Variants in CAST observed in about 807,000 individuals in gnomAD.
CAST encodes MIR583 host.
CAST carries 76 observed loss-of-function variants against 119.6 expected under a neutral mutation model. That is an observed-to-expected ratio of 0.64 (90% CI 0.53 to 0.77). The LOEUF is 0.77. CAST is among the 30% of genes least tolerant of loss of function. The pLI, the probability that CAST is intolerant of heterozygous loss-of-function variation, is 0.00. For synonymous variants in CAST, 319 were observed against 331.6 expected (o/e 0.96, Z 0.41); for missense variants, 953 against 946.5 (o/e 1.01, Z -0.09).
chr5:96,594,441 A>C (rs1380064164), intron 1 of CAST, among the ~76,000 whole-genome samples: 1 of 152,230 alleles, frequency 6.6e-6, no homozygotes, highest in Non-Finnish European at 1.5e-5. Context: ...ACAAAATACT[A>C]AGATTATGTA....
At chr5:96,582,317 G>A (rs1218539681) in intron 1 of CAST, among the ~76,000 whole-genome samples, 1 of 152,220 alleles carries the variant, frequency 6.6e-6, no homozygotes, top group Non-Finnish European at 1.5e-5. Context: ...GCCACAGACT[G>A]AAGCTATTTC....
In CAST at chr5:96,693,990, G is replaced by A. The variant is rs77072454; in HGVS notation, c.139-1846G>A. Among the ~76,000 whole-genome samples the A allele has an allele frequency of 6.3e-3, 958 of 152,256 alleles. 10 individuals carry two copies. The highest frequency in any genetic ancestry group is 0.022 in the African/African-American group (908 of 41,538). On this transcript the variant is annotated intron_variant, in intron 2 of 31. Coordinates refer to ENST00000675179, the MANE Select transcript of CAST (RefSeq NM_001750.7). ...TGTGAGGCCCCCTAGAGTGGTTGGCGAGTGGACACATAGAGATTGTGCTTT... is the reference window on the plus strand; with the variant it reads ...TGTGAGGCCCCCTAGAGTGGTTGGCAAGTGGACACATAGAGATTGTGCTTT...
the CAST span, among the ~76,000 whole-genome samples, chr5:96,288,009 A>T: frequency 6.6e-6 from 1 of 152,190 alleles, no homozygotes; most frequent in Non-Finnish European, 1.5e-5. Context: ...GAAATGAAAC[A>T]TAAATATGCT....
chr5:96,145,897 G>A, the CAST span, among the ~76,000 whole-genome samples: 2 of 152,154 alleles, frequency 1.3e-5, no homozygotes, highest in Non-Finnish European at 2.9e-5. Flanking sequence ...TTACATAGTG[G>A]ATGGTTGATG....
At chr5:96,204,784 C>T in the CAST span, among the ~76,000 whole-genome samples, 1 of 151,986 alleles carries the variant, frequency 6.6e-6, no homozygotes, top group East Asian at 1.9e-4. Context: ...CTAGGATTGA[C>T]AGTGGTAATA....
chr5:96,592,808 A>G (rs569781358), intron 1 of CAST, among the ~76,000 whole-genome samples: 17 of 150,158 alleles, frequency 1.1e-4, no homozygotes, highest in Admixed American at 5.3e-4. Context: ...TCTGTCGCCC[A>G]GGCTGGAGTG....
the CAST span, among the ~76,000 whole-genome samples, chr5:96,373,929 G>A: frequency 3.3e-5 from 5 of 151,920 alleles, no homozygotes; most frequent in African/African-American, 1.2e-4. Context: ...GGTATTTTTT[G>A]CAGAGACAGG....
At chr5:96,298,209 C>T in the CAST span, among the ~76,000 whole-genome samples, 1 of 152,186 alleles carries the variant, frequency 6.6e-6, no homozygotes, top group African/African-American at 2.4e-5. Context: ...GCCACCGTTA[C>T]AAAACAGGAT....
chr5:96,287,783 C>T, the CAST span, among the ~76,000 whole-genome samples: 1 of 151,820 alleles, frequency 6.6e-6, no homozygotes, highest in Non-Finnish European at 1.5e-5. Context: ...GAAGAATTTG[C>T]ATGATTTATG....
chr5:96,338,825 T>C, the CAST span, among the ~76,000 whole-genome samples: 10 of 152,312 alleles, frequency 6.6e-5, no homozygotes, highest in East Asian at 1.9e-3. Flanking sequence ...CTGGTGTTCT[T>C]GCTCAGACCT....
chr5:96,370,674 G>A, the CAST span, among the ~76,000 whole-genome samples: 1 of 151,228 alleles, frequency 6.6e-6, no homozygotes, highest in African/African-American at 2.4e-5. Context: ...GTAGGGATAG[G>A]AAGAGTTTGG....
At chr5:96,441,081 G>A in the CAST span, among the ~76,000 whole-genome samples, 49 of 152,298 alleles carry the variant, frequency 3.2e-4, no homozygotes, top group African/African-American at 1.1e-3. Flanking sequence ...TAATTTACCT[G>A]TTGAAGTTAT....
At chr5:96,108,386 G>A in the CAST span, among the ~76,000 whole-genome samples, 5 of 152,190 alleles carry the variant, frequency 3.3e-5, no homozygotes, top group Non-Finnish European at 7.3e-5. Context: ...TGATGGTGAT[G>A]TACAGATGGG....
the CAST span, among the ~76,000 whole-genome samples, chr5:96,129,557 G>A: frequency 2.6e-5 from 4 of 152,108 alleles, no homozygotes; most frequent in Admixed American, 6.6e-5. Context: ...CTGCTTTATT[G>A]AGAAGAAATT....
chr5:96,549,047 T>C (rs751102061), intron 1 of CAST, among the ~76,000 whole-genome samples: 11 of 152,190 alleles, frequency 7.2e-5, no homozygotes, highest in Non-Finnish European at 1.3e-4. Flanking sequence ...TATGGTGACC[T>C]TCCAGCACTC....
At chr5:96,462,121 A>C in the CAST span, among the ~76,000 whole-genome samples, 1 of 152,092 alleles carries the variant, frequency 6.6e-6, no homozygotes, top group Non-Finnish European at 1.5e-5. Flanking sequence ...CTTCCCAACC[A>C]GGTTAGATAT....
the CAST span, among the ~76,000 whole-genome samples, chr5:96,225,509 A>G: frequency 1.3e-5 from 2 of 152,354 alleles, no homozygotes; most frequent in African/African-American, 4.8e-5. Flanking sequence ...AAAGACTGGA[A>G]AAAGCTCATT....
At chr5:96,094,413 A>G in the CAST span, among the ~76,000 whole-genome samples, 9 of 151,786 alleles carry the variant, frequency 5.9e-5, no homozygotes, top group Non-Finnish European at 1.0e-4. Flanking sequence ...AATCTTTTAC[A>G]GTAGGGTGAC....
the CAST span, among the ~76,000 whole-genome samples, chr5:96,270,091 C>G: frequency 6.6e-6 from 1 of 152,068 alleles, no homozygotes; most frequent in Non-Finnish European, 1.5e-5. Context: ...TCAATATATG[C>G]AAATCAATAA....
Sources: gnomAD v4.1 joint callset for allele counts (sites outside exome capture counted in the v4.1 genomes callset) on GRCh38, gnomAD v4.1.1 for gene constraint, MANE v1.5 for transcripts, NCBI Gene and HGNC (gene_info 2026-07-23, HGNC 2026-07-21) for gene names.